The following GRID1 variants were observed in gnomAD, a reference collection of about 807,000 sequenced individuals.
The protein encoded by GRID1 is glutamate receptor ionotropic, delta-1.
GRID1 carries 28 observed loss-of-function variants against 98.0 expected under a neutral mutation model. The observed-to-expected ratio is 0.29, with a 90% CI of 0.21 to 0.39. The LOEUF is 0.39. GRID1 is among the 10% of genes least tolerant of loss of function. GRID1 has a pLI of 1.00. For synonymous variants in GRID1, 553 were observed against 538.5 expected (o/e 1.03, Z -0.37); for missense variants, 1,111 against 1,340.5 (o/e 0.83, Z 2.67).
At chr10:86,245,676 T>G (rs1846715563) in intron 2 of GRID1, among the ~76,000 whole-genome samples, 1 of 152,238 alleles carries the variant, frequency 6.6e-6, no homozygotes, top group South Asian at 2.1e-4. Context: ...AATGGGCATC[T>G]CAGGTGGTCC....
At chr10:86,131,697 C>T (rs190034138) in intron 4 of GRID1, among the ~76,000 whole-genome samples, 1 of 152,252 alleles carries the variant, frequency 6.6e-6, no homozygotes, top group East Asian at 1.9e-4. Context: ...GGCCTTTTTC[C>T]CTGATGATTG....
At chr10:86,277,759 C>T (rs201000839) in intron 2 of GRID1, among the ~76,000 whole-genome samples, 1 of 151,570 alleles carries the variant, frequency 6.6e-6, no homozygotes, top group African/African-American at 2.4e-5. Context: ...CAACTAAACA[C>T]AAAAGAAGCC....
chr10:85,800,851 G>C (rs1267274926), intron 8 of GRID1, among the ~76,000 whole-genome samples: 1 of 152,000 alleles, frequency 6.6e-6, no homozygotes, highest in Non-Finnish European at 1.5e-5. Flanking sequence ...CGGAAGCACA[G>C]AGAGTTTAAG....
intron 12 of GRID1, among the ~76,000 whole-genome samples, chr10:85,654,193 C>T (rs1243766414): frequency 6.6e-6 from 1 of 152,092 alleles, no homozygotes; most frequent in East Asian, 1.9e-4. Flanking sequence ...AGGTGTCCTC[C>T]CTCCTCACCT....
chr10:86,025,835 T>C (rs1339177122), intron 4 of GRID1, among the ~76,000 whole-genome samples: 3 of 152,232 alleles, frequency 2.0e-5, no homozygotes, highest in African/African-American at 7.2e-5. Flanking sequence ...ATAATGCCTC[T>C]GGCCCAATCA....
At chr10:86,217,673 G>A (rs1369888362) in intron 2 of GRID1, among the ~76,000 whole-genome samples, 3 of 152,126 alleles carry the variant, frequency 2.0e-5, no homozygotes, top group South Asian at 2.1e-4. Flanking sequence ...GCAACACCTC[G>A]TAAGCAACAC....
chr10:85,644,185 G>A (rs1008754906), intron 13 of GRID1: 57 of 152,210 alleles, frequency 3.7e-4, no homozygotes, highest in African/African-American at 1.1e-3. Context: ...GGAAGAGTAG[G>A]GAGGTGAGCA....
At chr10:85,655,357 C>T (rs767302985) in intron 12 of GRID1, among the ~76,000 whole-genome samples, 2 of 152,222 alleles carry the variant, frequency 1.3e-5, no homozygotes, top group South Asian at 4.1e-4. Flanking sequence ...TTTTAAGCTT[C>T]CTGTGCTGTC....
At chr10:85,829,417 T>G (rs79305293) in intron 8 of GRID1, among the ~76,000 whole-genome samples, 5,027 of 152,128 alleles carry the variant, frequency 0.033, 127 homozygotes, top group Non-Finnish European at 0.047. Flanking sequence ...TTATCATGAC[T>G]CCTATTCAAC....
chr10:85,624,295 C>T (rs1212637043), intron 13 of GRID1, among the ~76,000 whole-genome samples: 1 of 152,236 alleles, frequency 6.6e-6, no homozygotes, highest in East Asian at 1.9e-4. Context: ...TCTGGCCTGG[C>T]TAGTCCATTT....
At chr10:85,932,922 G>T (rs1363079660) in intron 4 of GRID1, among the ~76,000 whole-genome samples, 1 of 152,166 alleles carries the variant, frequency 6.6e-6, no homozygotes, top group Non-Finnish European at 1.5e-5. Flanking sequence ...AACTAGCTGA[G>T]AACCCAAACT....
Position 85,681,660 on chromosome 10 carries a change from C to T in GRID1, c.1998-34263G>A, listed in dbSNP as rs117128479. On this transcript the variant is annotated intron_variant, in intron 12 of 15. Coordinates refer to ENST00000327946, the MANE Select transcript of GRID1 (RefSeq NM_017551.3). ...TCACAGCCCAGCCCCTTTCTGCCAC[C>T]GCAGCTGAGGGTAATTATTCCCTCC... Among the ~76,000 whole-genome samples the T allele has an allele frequency of 1.1e-4, 16 of 152,208 alleles. No homozygotes were observed. In the East Asian group the frequency reaches 3.1e-3, roughly 30 times the overall value.
intron 3 of GRID1, among the ~76,000 whole-genome samples, chr10:86,165,598 T>C (rs1430396770): frequency 2.0e-5 from 3 of 152,170 alleles, no homozygotes; most frequent in Non-Finnish European, 4.4e-5. Flanking sequence ...GATCCAATAT[T>C]GGGTGGTAAG....
chr10:86,044,463 C>G (rs1428756759), intron 4 of GRID1, among the ~76,000 whole-genome samples: 2 of 152,098 alleles, frequency 1.3e-5, no homozygotes, highest in Non-Finnish European at 2.9e-5. Flanking sequence ...CAGAAGATAC[C>G]CGATTTGCTT....
chr10:86,027,441 C>T (rs149573827), intron 4 of GRID1, among the ~76,000 whole-genome samples: 12 of 152,340 alleles, frequency 7.9e-5, no homozygotes, highest in Admixed American at 2.6e-4. Flanking sequence ...TTCCTTCTCA[C>T]GGCTAAATAC....
intron 5 of GRID1, among the ~76,000 whole-genome samples, chr10:85,906,083 A>C (rs893353074): frequency 1.3e-5 from 2 of 152,146 alleles, no homozygotes; most frequent in South Asian, 4.1e-4. Context: ...AACACAAGTC[A>C]AAATAAATAT....
intron 4 of GRID1, among the ~76,000 whole-genome samples, chr10:86,022,917 C>CAAAA (rs34518403): frequency 8.9e-6 from 1 of 112,826 alleles, no homozygotes; most frequent in Non-Finnish European, 1.9e-5. Context: ...GACTCCATCT[C>CAAAA]AAAAAAAAAA....
At chr10:85,667,129 C>G (rs903026067) in intron 12 of GRID1, among the ~76,000 whole-genome samples, 1 of 152,208 alleles carries the variant, frequency 6.6e-6, no homozygotes, top group Admixed American at 6.5e-5. Context: ...AGACCTCGCT[C>G]TCTGCGGTTA....
chr10:85,828,746 A>T (rs1329887495), intron 8 of GRID1, among the ~76,000 whole-genome samples: 1 of 152,190 alleles, frequency 6.6e-6, no homozygotes, highest in Non-Finnish European at 1.5e-5. Flanking sequence ...CAACCTCCCA[A>T]AATTGAACCA....
Sources: gnomAD v4.1 joint callset for allele counts (sites outside exome capture counted in the v4.1 genomes callset) on GRCh38, gnomAD v4.1.1 for gene constraint, MANE v1.5 for transcripts, NCBI Gene and HGNC (gene_info 2026-07-23, HGNC 2026-07-21) for gene names.